Variants in SNX25 observed in about 807,000 individuals in gnomAD.
SNX25 encodes the protein sorting nexin 25.
Under a neutral mutation model 113.7 loss-of-function variants are expected in SNX25, and 62 were observed. That is an observed-to-expected ratio of 0.55 (90% CI 0.44 to 0.67). The LOEUF (loss-of-function observed/expected upper bound fraction) is 0.67. Ranked by LOEUF, SNX25 falls within the 30% of genes least tolerant of loss-of-function variation. The probability of loss-of-function intolerance (pLI) is 0.00; values close to 1 mark genes in which losing one functional copy is unlikely to be tolerated. For synonymous variants in SNX25, 421 were observed against 436.2 expected (o/e 0.97, Z 0.43); for missense variants, 1,014 against 1,161.0 (o/e 0.87, Z 1.84).
chr4:185,234,259 G>A (rs1287166066), intron 1 of SNX25, among the ~76,000 whole-genome samples: 1 of 152,122 alleles, frequency 6.6e-6, no homozygotes, highest in Admixed American at 6.5e-5. Context: ...TAGAAAGCAG[G>A]TTATTCACCA....
At chr4:185,252,211 A>G (rs1158155492) in intron 2 of SNX25, among the ~76,000 whole-genome samples, 1 of 152,210 alleles carries the variant, frequency 6.6e-6, no homozygotes, top group Non-Finnish European at 1.5e-5. Flanking sequence ...TTGACCAGTT[A>G]ATTTTATGGA....
chr4:185,251,332 C>G (rs1345983090), intron 2 of SNX25, among the ~76,000 whole-genome samples: 2 of 152,184 alleles, frequency 1.3e-5, no homozygotes, highest in African/African-American at 4.8e-5. Context: ...CATTATCATG[C>G]AACCAATCTC....
At position 185,318,553 on chromosome 4, in the gene SNX25, A is replaced by G. The variant is rs1007294081; in HGVS notation, c.1345-2180A>G. ...CTTACAGGAGATTTTTTTAATGAATATGGTTGATACTGTAAACAAAAAGGC... is the reference window on the plus strand; with the variant it reads ...CTTACAGGAGATTTTTTTAATGAATGTGGTTGATACTGTAAACAAAAAGGC... On this transcript the variant is annotated intron_variant, in intron 7 of 18. Coordinates refer to ENST00000652585, the MANE Select transcript of SNX25 (RefSeq NM_001378034.2). Among the ~76,000 whole-genome samples, 4 of 152,174 alleles carry G rather than the reference A, an allele frequency of 2.6e-5. No homozygotes were observed. In the South Asian group the frequency reaches 8.3e-4, roughly 32 times the overall value.
intron 5 of SNX25, among the ~76,000 whole-genome samples, chr4:185,286,107 G>A (rs1375081983): frequency 6.6e-6 from 1 of 151,300 alleles, no homozygotes; most frequent in African/African-American, 2.4e-5. Flanking sequence ...GTTTTGTTTT[G>A]TTTTGTTTTG....
At chr4:185,353,646 G>T in intron 15 of SNX25, 44 bp downstream of exon 15, 2 of 1,427,634 alleles carry the variant, frequency 1.4e-6, no homozygotes, top group Non-Finnish European at 2.0e-6. Context: ...CTAGTTAAGT[G>T]GTATATATAA....
At chr4:185,215,215 C>T (rs12650980) in intron 1 of SNX25, among the ~76,000 whole-genome samples, 72,376 of 151,426 alleles carry the variant, frequency 0.48, 18,562 homozygotes, top group East Asian at 0.73. Context: ...GGCGACAGAG[C>T]GAGACTCCGT....
intron 1 of SNX25, among the ~76,000 whole-genome samples, chr4:185,212,324 A>T (rs192787461): frequency 2.1e-4 from 32 of 151,600 alleles, no homozygotes; most frequent in African/African-American, 7.3e-4. Context: ...AAATTTTTTA[A>T]GTGCATTAGG....
At chr4:185,217,299 G>A (rs1739023633) in intron 1 of SNX25, among the ~76,000 whole-genome samples, 1 of 152,120 alleles carries the variant, frequency 6.6e-6, no homozygotes. Flanking sequence ...GATAAAAAGT[G>A]AGAGTTAATG....
intron 7 of SNX25, among the ~76,000 whole-genome samples, chr4:185,316,072 A>G (rs763550683): frequency 5.9e-5 from 9 of 152,254 alleles, no homozygotes; most frequent in Non-Finnish European, 1.0e-4. Context: ...ATCACCCACA[A>G]AAGTTTTTTA....
intron 5 of SNX25, among the ~76,000 whole-genome samples, chr4:185,270,089 A>G (rs1441195339): frequency 6.6e-6 from 1 of 152,074 alleles, no homozygotes; most frequent in Non-Finnish European, 1.5e-5. Context: ...CAAAAAAAAA[A>G]AAAAAAAATC....
chr4:185,255,573 A>G (rs1039029085), intron 2 of SNX25, among the ~76,000 whole-genome samples: 2 of 152,196 alleles, frequency 1.3e-5, no homozygotes, highest in Admixed American at 6.5e-5. Flanking sequence ...GCAGTTTTAC[A>G]AAGTACAGCC....
At chr4:185,326,551 A>G (rs1400725213) in intron 9 of SNX25, among the ~76,000 whole-genome samples, 1 of 152,210 alleles carries the variant, frequency 6.6e-6, no homozygotes. Context: ...TAACATAACA[A>G]TTATAATTAC....
chr4:185,233,698 G>A (rs2126419343), intron 1 of SNX25, among the ~76,000 whole-genome samples: 1 of 152,182 alleles, frequency 6.6e-6, no homozygotes, highest in South Asian at 2.1e-4. Context: ...CAATTTTCAA[G>A]TGTTTGTCTG....
intron 1 of SNX25, among the ~76,000 whole-genome samples, chr4:185,236,794 A>G (rs915294795): frequency 2.0e-5 from 3 of 148,470 alleles, no homozygotes; most frequent in African/African-American, 7.4e-5. Context: ...ATTAATGCTC[A>G]TATCAATTTT....
At chr4:185,276,418 A>G (rs1749685741) in intron 5 of SNX25, among the ~76,000 whole-genome samples, 1 of 152,242 alleles carries the variant, frequency 6.6e-6, no homozygotes. Context: ...TCCAATAAAT[A>G]ACAACACTCT....
Position 185,362,598 on chromosome 4 carries a change from C to CTT in SNX25, c.2834-12_2834-11dup. On this transcript the variant is annotated splice_polypyrimidine_tract_variant and intron_variant, in intron 17 of 18. Transcript: ENST00000652585. ...TATCAATAGCAGCATAGAATCTACA[C>CTT]TTAATTTTTCAGATATGCTTCAGAG... 1 of 1,612,574 alleles carries CTT rather than the reference C, an allele frequency of 6.2e-7. No individual in the cohort carries two copies. Among genetic ancestry groups the CTT allele is most frequent in the South Asian group, 1.1e-5 (1 of 91,018 alleles).
chr4:185,378,563 C>A, the SNX25 span: 1 of 1,016,946 alleles, frequency 9.8e-7, no homozygotes, highest in South Asian at 4.3e-5. Flanking sequence ...CAGAGCTCTT[C>A]TGCACTGGTA....
chr4:185,324,557 G>T (rs972114689), intron 9 of SNX25, among the ~76,000 whole-genome samples: 14 of 151,992 alleles, frequency 9.2e-5, no homozygotes, highest in African/African-American at 2.9e-4. Context: ...TTATCTTGGG[G>T]CTCACATCTC....
In SNX25 at chr4:185,241,454, G is replaced by T. The variant is rs745397136; in HGVS notation, c.430-5840G>T. ...TACAGTCCAGCTTTGGCTCGGCATC[G>T]GGGAGACCGTGGAAAGAGAGGGAGA... On this transcript the variant is annotated intron_variant, in intron 1 of 18. Coordinates refer to ENST00000652585, the MANE Select transcript of SNX25 (RefSeq NM_001378034.2). Among the ~76,000 whole-genome samples the T allele has an allele frequency of 2.0e-4, 14 of 68,844 alleles. 1 individual carries two copies. The highest frequency in any genetic ancestry group is 5.1e-4 in the African/African-American group (14 of 27,320). 45.2% of individuals were successfully genotyped at this position (68,844 alleles called of 152,430 possible).
Sources: gnomAD v4.1 joint callset for allele counts (sites outside exome capture counted in the v4.1 genomes callset) on GRCh38, gnomAD v4.1.1 for gene constraint, MANE v1.5 for transcripts, NCBI Gene and HGNC (gene_info 2026-07-23, HGNC 2026-07-21) for gene names.